The following SUPT16H variants were observed in gnomAD, a reference collection of about 807,000 sequenced individuals.
The protein encoded by SUPT16H is FACT complex subunit SPT16.
In SUPT16H, 24 loss-of-function variants were observed where a neutral mutation model predicts 136.2. That is an observed-to-expected ratio of 0.18 (90% CI 0.13 to 0.25). SUPT16H has a LOEUF of 0.25. Ranked by LOEUF, SUPT16H falls within the 10% of genes least tolerant of loss-of-function variation. The pLI, the probability that SUPT16H is intolerant of heterozygous loss-of-function variation, is 1.00. For synonymous variants in SUPT16H, 415 were observed against 428.2 expected (o/e 0.97, Z 0.38); for missense variants, 623 against 1,270.2 (o/e 0.49, Z 7.74).
chr14:21,352,970 A>C (rs1886353413), intron 25 of SUPT16H, 152 bp from the exon 26 acceptor site: 1 of 1,057,520 alleles, frequency 9.5e-7, no homozygotes, highest in Non-Finnish European at 1.4e-6. Context: ...TTTATTTACA[A>C]AAGGGAGAAT....
At chr14:21,355,251 T>C (rs998366180) in intron 22 of SUPT16H, among the ~76,000 whole-genome samples, 31 of 152,056 alleles carry the variant, frequency 2.0e-4, no homozygotes, top group African/African-American at 7.5e-4. Flanking sequence ...TCCCAGCACT[T>C]TGGGAGGCCA....
intron 21 of SUPT16H, 106 bp downstream of exon 21, chr14:21,357,807 TGAGTTTTAAGTCTA>T: frequency 4.0e-6 from 4 of 1,001,762 alleles, no homozygotes; most frequent in Non-Finnish European, 5.9e-6. Context: ...ATTTGTTCAA[TGAGTTTTAAGTCTA>T]AGTAAATATC....
intron 10 of SUPT16H, among the ~76,000 whole-genome samples, chr14:21,364,015 C>T (rs1886613173): frequency 6.6e-6 from 1 of 152,182 alleles, no homozygotes; most frequent in African/African-American, 2.4e-5. Flanking sequence ...TGGGTAATCA[C>T]TAATACAGGT....
At chr14:21,370,779 A>G (rs1389436124) in intron 3 of SUPT16H, among the ~76,000 whole-genome samples, 1 of 149,576 alleles carries the variant, frequency 6.7e-6, no homozygotes, top group Non-Finnish European at 1.5e-5. Context: ...ATGCCTGGAT[A>G]AATTTTTTTT....
chr14:21,381,126 G>A (rs190612649), intron 1 of SUPT16H, among the ~76,000 whole-genome samples: 1 of 151,898 alleles, frequency 6.6e-6, no homozygotes, highest in Non-Finnish European at 1.5e-5. Flanking sequence ...ACAATAGTAC[G>A]TTCTAAGGTC....
At chr14:21,363,812 G>C (rs1886608642) in intron 10 of SUPT16H, among the ~76,000 whole-genome samples, 1 of 152,076 alleles carries the variant, frequency 6.6e-6, no homozygotes, top group Admixed American at 6.5e-5. Flanking sequence ...CCGAGTAGCT[G>C]GAATTACAGA....
chr14:21,381,184 C>T (rs995043255), intron 1 of SUPT16H, among the ~76,000 whole-genome samples: 2 of 151,918 alleles, frequency 1.3e-5, no homozygotes, highest in African/African-American at 4.8e-5. Flanking sequence ...TAAAATGACA[C>T]GATTTACTTA....
intron 17 of SUPT16H, 55 bp from the exon 18 acceptor site, chr14:21,360,588 C>T: frequency 2.1e-6 from 3 of 1,445,282 alleles, no homozygotes; most frequent in Non-Finnish European, 1.9e-6. Context: ...GGCCAAAAGG[C>T]ACTGCAACTC....
chr14:21,359,965 T>C (rs1054393466), intron 18 of SUPT16H, among the ~76,000 whole-genome samples: 12 of 152,248 alleles, frequency 7.9e-5, no homozygotes, highest in African/African-American at 2.9e-4. Flanking sequence ...TGCCAGGCCT[T>C]GTGGCCTTTA....
intron 1 of SUPT16H, among the ~76,000 whole-genome samples, chr14:21,376,204 G>A (rs1014765883): frequency 2.0e-5 from 3 of 152,178 alleles, no homozygotes; most frequent in Middle Eastern, 3.4e-3. Flanking sequence ...GAATTTTCAC[G>A]TTTATTCCAC....
intron 18 of SUPT16H, among the ~76,000 whole-genome samples, chr14:21,360,090 C>T (rs1204666572): frequency 1.2e-4 from 19 of 152,120 alleles, no homozygotes; most frequent in African/African-American, 3.9e-4. Context: ...TACAATGGCG[C>T]GATCTCGGCT....
In SUPT16H at chr14:21,362,780, CTG is replaced by C; in HGVS notation, c.1665+12_1665+13del. On this transcript the variant is annotated intron_variant, in intron 14 of 25. Coordinates refer to ENST00000216297, the MANE Select transcript of SUPT16H (RefSeq NM_007192.4). ...AACAGTTTGGATGAAACCTGATGCA[CTG>C]AATGTCAGTACCTTGATTGTGGCAA... The C allele has an allele frequency of 6.3e-7, 1 of 1,589,784 alleles. No homozygotes were observed. The highest frequency in any genetic ancestry group is 8.5e-7 in the Non-Finnish European group (1 of 1,172,752).
chr14:21,357,624 A>T (rs753366423), intron 21 of SUPT16H, among the ~76,000 whole-genome samples: 87 of 152,108 alleles, frequency 5.7e-4, no homozygotes, highest in Middle Eastern at 3.2e-3. Context: ...CTATTTAAAA[A>T]GACATTATCT....
chr14:21,371,835 T>C lies in SUPT16H; in HGVS notation c.330+39A>G, dbSNP rs1594307454. On this transcript the variant is annotated intron_variant, in intron 3 of 25. Coordinates refer to ENST00000216297, the MANE Select transcript of SUPT16H (RefSeq NM_007192.4). ...CATTTCTGTTCATCCCTTTTGAAGA[T>C]TCTTCCACATTTATGACACATTCTT... 5.0e-6 allele frequency: 8 copies of C among 1,607,118 alleles called. No individual in the cohort carries two copies. In the East Asian group the frequency reaches 1.8e-4, roughly 36 times the overall value.
intron 15 of SUPT16H, chr14:21,361,445 T>C: frequency 1.9e-6 from 1 of 540,454 alleles, no homozygotes; most frequent in South Asian, 1.9e-5. Flanking sequence ...GCCTTCCAAG[T>C]ACCTGGGATT....
At chr14:21,383,837 G>A (rs372194407) in intron 1 of SUPT16H, 25 bp downstream of exon 1, 166 of 1,613,806 alleles carry the variant, frequency 1.0e-4, no homozygotes, top group Non-Finnish European at 1.3e-4. Context: ...GGGCTCCCTA[G>A]GAAAAATTAC....
chr14:21,359,254 C>T (rs866879867), intron 19 of SUPT16H, among the ~76,000 whole-genome samples: 4 of 152,172 alleles, frequency 2.6e-5, no homozygotes, highest in South Asian at 2.1e-4. Context: ...CCCACCACGC[C>T]CAGCTAATTT....
At chr14:21,359,687 T>G (rs775086769) in intron 18 of SUPT16H, 78 bp from the exon 19 acceptor site, 21 of 1,546,464 alleles carry the variant, frequency 1.4e-5, no homozygotes, top group Non-Finnish European at 1.7e-5. Context: ...TGATCCAAAC[T>G]TGGGCCTCCA....
At chr14:21,369,034 A>G (rs1444054728) in intron 6 of SUPT16H, among the ~76,000 whole-genome samples, 170 bp downstream of exon 6, 1 of 152,232 alleles carries the variant, frequency 6.6e-6, no homozygotes, top group African/African-American at 2.4e-5. Context: ...ATACTTAACA[A>G]AAATGTATTG....
Sources: gnomAD v4.1 joint callset for allele counts (sites outside exome capture counted in the v4.1 genomes callset) on GRCh38, gnomAD v4.1.1 for gene constraint, MANE v1.5 for transcripts, NCBI Gene and HGNC (gene_info 2026-07-23, HGNC 2026-07-21) for gene names.